Variants in FAM124A observed in about 807,000 individuals in gnomAD.
FAM124A encodes the protein protein FAM124A.
In FAM124A, 23 loss-of-function variants were observed where a neutral mutation model predicts 24.5. The ratio of observed to expected loss-of-function variants is 0.94; its 90% CI spans 0.68 to 1.33. The LOEUF is 1.33. Ranked by LOEUF, FAM124A falls within the 40% of genes most tolerant of loss-of-function variation. The pLI, the probability that FAM124A is intolerant of heterozygous loss-of-function variation, is 0.00. For synonymous variants in FAM124A, 287 were observed against 314.7 expected, an observed-to-expected ratio of 0.91 and a Z score of 0.93; for missense variants, 623 against 722.8, an observed-to-expected ratio of 0.86 and a Z score of 1.58.
At chr13:51,262,389 A>G (rs1419255567) in intron 3 of FAM124A, among the ~76,000 whole-genome samples, 1 of 152,250 alleles carries the variant, frequency 6.6e-6, no homozygotes, top group Non-Finnish European at 1.5e-5. Flanking sequence ...AAGTTGCACA[A>G]TATTTTTAAA....
At chr13:51,231,471 A>T in intron 2 of FAM124A, 92 bp downstream of exon 2, 1 of 1,346,770 alleles carries the variant, frequency 7.4e-7, no homozygotes, top group Non-Finnish European at 1.0e-6. Context: ...GTTTTATAGT[A>T]GGTAAGAATC....
chr13:51,279,530 G>A (rs1322168308), intron 3 of FAM124A, among the ~76,000 whole-genome samples: 3 of 152,202 alleles, frequency 2.0e-5, no homozygotes, highest in Non-Finnish European at 4.4e-5. Flanking sequence ...TTGGCCTTGG[G>A]TTCTGGCCTG....
At chr13:51,271,451 C>G (rs1954839750) in intron 3 of FAM124A, among the ~76,000 whole-genome samples, 1 of 151,980 alleles carries the variant, frequency 6.6e-6, no homozygotes, top group African/African-American at 2.4e-5. Flanking sequence ...AGATGAGGGC[C>G]CCTGAACAAG....
Position 51,281,262 on chromosome 13 carries a change from C to T in FAM124A, c.*6C>T. The T allele has an allele frequency of 4.5e-6, 7 of 1,545,440 alleles. No homozygotes were observed. Among genetic ancestry groups the T allele is most frequent in the Non-Finnish European group, 6.1e-6 (7 of 1,150,812 alleles). ...TGGAGGAATTCTACATCTGAATGCCCTCTGCTCTTGTTCTCGAAACACACA... is the reference window on the plus strand; with the variant it reads ...TGGAGGAATTCTACATCTGAATGCCTTCTGCTCTTGTTCTCGAAACACACA... On this transcript the variant is annotated 3_prime_UTR_variant, in exon 4 of 4. Transcript: ENST00000322475.
chr13:51,280,825 G>T lies in FAM124A; in HGVS notation c.1210G>T (p.Asp404Tyr), dbSNP rs774013147. 86 of 1,614,076 alleles carry T rather than the reference G, an allele frequency of 5.3e-5. No homozygotes were observed. The highest frequency in any genetic ancestry group is 7.2e-5 in the Non-Finnish European group (85 of 1,180,020). ...GAGGCATGGCCACCTCCTCTCCATC[G>T]ATGACCTAGAGGGGGCCCAGGAGAC... ...EWRHGHLLSIDDLEGAQETDV... is the reference protein window; with the variant it reads ...EWRHGHLLSIYDLEGAQETDV... Residue 404 changes from aspartate to tyrosine, a missense_variant, in exon 4 of 4, where the codon GAT (aspartate) becomes TAT (tyrosine). By Grantham distance (160) the Asp-to-Tyr change is radical (BLOSUM62 -3). Coordinates refer to ENST00000322475, the MANE Select transcript of FAM124A (RefSeq NM_001242312.2).
At chr13:51,279,301 A>G (rs749264503) in intron 3 of FAM124A, among the ~76,000 whole-genome samples, 24 of 152,272 alleles carry the variant, frequency 1.6e-4, no homozygotes, top group Admixed American at 6.5e-4. Context: ...GACACCTCTT[A>G]GGCACATCTG....
intron 3 of FAM124A, among the ~76,000 whole-genome samples, chr13:51,259,453 G>A (rs188279215): frequency 4.2e-4 from 64 of 151,936 alleles, no homozygotes; most frequent in Non-Finnish European, 4.4e-5. Flanking sequence ...CCTTCAGAAC[G>A]CAGGGTACCT....
rs577506341 is a variant in FAM124A, at chr13:51,281,821, A to T, written c.*565A>T. 1 of 152,406 alleles carries T rather than the reference A, an allele frequency of 6.6e-6. No individual in the cohort carries two copies. Among genetic ancestry groups the T allele is most frequent in the East Asian group, 1.9e-4 (1 of 5,194 alleles). 9.4% of individuals were successfully genotyped at this position (152,406 alleles called of 1,614,324 possible). On this transcript the variant is annotated 3_prime_UTR_variant, in exon 4 of 4. Transcript: ENST00000322475. Reference sequence around the variant, plus strand: ...AGCTTGAGAAGTAAACGTATATCAGACTACAGGTAATTCCTCATCTTGAAG... The same window carrying T: ...AGCTTGAGAAGTAAACGTATATCAGTCTACAGGTAATTCCTCATCTTGAAG...
intron 3 of FAM124A, among the ~76,000 whole-genome samples, chr13:51,270,036 C>T (rs1347755751): frequency 6.6e-6 from 1 of 152,168 alleles, no homozygotes; most frequent in Non-Finnish European, 1.5e-5. Context: ...CACAGTGTTC[C>T]TGGAGATGTC....
At chr13:51,276,071 C>T (rs59452788) in intron 3 of FAM124A, among the ~76,000 whole-genome samples, 12,403 of 152,132 alleles carry the variant, frequency 0.082, 688 homozygotes, top group East Asian at 0.27. Flanking sequence ...AAACTGCTGG[C>T]GCACATGAGT....
chr13:51,260,335 TC>T (rs1264157116), intron 3 of FAM124A, among the ~76,000 whole-genome samples: 1 of 152,188 alleles, frequency 6.6e-6, no homozygotes, highest in Non-Finnish European at 1.5e-5. Flanking sequence ...TCAGCCAGTG[TC>T]CTTGGGAAGG....
chr13:51,260,672 T>C (rs1438679210), intron 3 of FAM124A, among the ~76,000 whole-genome samples: 1 of 152,158 alleles, frequency 6.6e-6, no homozygotes, highest in African/African-American at 2.4e-5. Context: ...AGATGGTAAG[T>C]GGTAGGACTG....
rs557661795 is a variant in FAM124A, at chr13:51,232,773, G to A, written c.100+1394G>A. Reference sequence around the variant, plus strand: ...TCCATTCCACTCAGTTTTGCCCAGAGGCTACATTTCTTTTCAGAATGATTT... The same window carrying A: ...TCCATTCCACTCAGTTTTGCCCAGAAGCTACATTTCTTTTCAGAATGATTT... On this transcript the variant is annotated intron_variant, in intron 2 of 3. Coordinates refer to ENST00000322475, the MANE Select transcript of FAM124A (RefSeq NM_001242312.2). Among the ~76,000 whole-genome samples, 42 of 152,282 alleles carry A rather than the reference G, an allele frequency of 2.8e-4. 1 individual carries two copies. The South Asian group carries it at 8.5e-3, about 31-fold the overall frequency.
At chr13:51,229,165 C>T (rs781297723) in intron 1 of FAM124A, among the ~76,000 whole-genome samples, 1 of 152,140 alleles carries the variant, frequency 6.6e-6, no homozygotes, top group Non-Finnish European at 1.5e-5. Flanking sequence ...GACGGTGGAC[C>T]CGGGTGAAAG....
intron 2 of FAM124A, among the ~76,000 whole-genome samples, chr13:51,233,192 G>A (rs999656134): frequency 2.0e-5 from 3 of 152,064 alleles, no homozygotes; most frequent in Non-Finnish European, 4.4e-5. Flanking sequence ...GGCAGTGCAG[G>A]TCTGGTGTAG....
At chr13:51,235,410 G>C (rs1202457851) in intron 2 of FAM124A, among the ~76,000 whole-genome samples, 1 of 152,124 alleles carries the variant, frequency 6.6e-6, no homozygotes, top group East Asian at 1.9e-4. Context: ...ACTCTGCCAC[G>C]TAATGCTAAC....
In FAM124A at chr13:51,251,466, A is replaced by C. The variant is rs766920578; in HGVS notation, c.101-2A>C. ...ATCCATTCGTTTTTTGCGTGCCCCC[A>C]GGTGAGCTTTCCGTTGAAGAGGCGC... On this transcript the variant is annotated splice_acceptor_variant, in intron 2 of 3. Coordinates refer to ENST00000322475, the MANE Select transcript of FAM124A (RefSeq NM_001242312.2). LOFTEE classifies it high-confidence loss of function. The surrounding 1 kb of genome is among the most constrained non-coding windows in gnomAD (Gnocchi z 5.3). 2 of 1,500,096 alleles carry C rather than the reference A, an allele frequency of 1.3e-6. No homozygotes were observed. Among genetic ancestry groups the C allele is most frequent in the South Asian group, 1.4e-5 (1 of 70,154 alleles). The allele number at this position is 1,500,096 out of a possible 1,614,324, so 92.9% of individuals were successfully genotyped here.
At chr13:51,247,603 T>G (rs571575039) in intron 2 of FAM124A, among the ~76,000 whole-genome samples, 71 of 152,320 alleles carry the variant, frequency 4.7e-4, no homozygotes, top group Non-Finnish European at 9.0e-4. Context: ...TTCCTTTACT[T>G]CGCATGGTGT....
At chr13:51,225,972 C>CTTGCTT (rs1954311262) in intron 1 of FAM124A, among the ~76,000 whole-genome samples, 2 of 68,188 alleles carry the variant, frequency 2.9e-5, no homozygotes, top group African/African-American at 1.2e-4. Flanking sequence ...TGCTTGCTTG[C>CTTGCTT]TTTCTTTTTT....
Sources: allele counts gnomAD v4.1 joint callset (sites outside exome capture counted in the v4.1 genomes callset), GRCh38; gene constraint gnomAD v4.1.1; non-coding constraint Gnocchi (gnomAD v3.1); transcripts MANE v1.5; gene names NCBI Gene and HGNC (gene_info 2026-07-23, HGNC 2026-07-21).